The following PAM variants were observed in gnomAD, a reference collection of about 807,000 sequenced individuals.
The protein encoded by PAM is peptidyl-glycine alpha-amidating monooxygenase.
Under a neutral mutation model 122.1 loss-of-function variants are expected in PAM, and 72 were observed. The ratio of observed to expected loss-of-function variants is 0.59; its 90% CI spans 0.49 to 0.72. The LOEUF (loss-of-function observed/expected upper bound fraction) is 0.72. Among genes scored for constraint, PAM ranks in the 30% least tolerant of loss-of-function variants. The pLI, the probability that PAM is intolerant of heterozygous loss-of-function variation, is 0.00. For synonymous variants in PAM, 389 were observed against 404.4 expected, an observed-to-expected ratio of 0.96 and a Z score of 0.46; for missense variants, 1,106 against 1,183.7, an observed-to-expected ratio of 0.93 and a Z score of 0.96.
intron 3 of PAM, chr5:102,895,842 G>C (rs1796056579): frequency 6.6e-6 from 1 of 151,696 alleles, no homozygotes; most frequent in Admixed American, 6.6e-5. Flanking sequence ...CTAATCATTT[G>C]TATTAAAGGA....
At chr5:102,815,146 C>T (rs2150245379) in intron 1 of PAM, among the ~76,000 whole-genome samples, 1 of 152,200 alleles carries the variant, frequency 6.6e-6, no homozygotes, top group South Asian at 2.1e-4. Flanking sequence ...GTCATTTCCC[C>T]ACTGCAGATC....
chr5:102,832,372 A>G (rs1018216101), intron 1 of PAM, among the ~76,000 whole-genome samples: 1 of 151,988 alleles, frequency 6.6e-6, no homozygotes, highest in Admixed American at 6.6e-5. Context: ...TTTGATTCCT[A>G]TGTACAGCAG....
intron 1 of PAM, among the ~76,000 whole-genome samples, chr5:102,805,051 A>G (rs1765826432): frequency 6.8e-6 from 1 of 146,284 alleles, no homozygotes; most frequent in Admixed American, 7.2e-5. Context: ...GTTTCTTATG[A>G]AAGGGAATTT....
intron 4 of PAM, among the ~76,000 whole-genome samples, chr5:102,904,153 C>T (rs1290382141): frequency 6.6e-6 from 1 of 151,416 alleles, no homozygotes; most frequent in African/African-American, 2.4e-5. Context: ...GAAGCTATAG[C>T]CTTTTTGTGG....
intron 1 of PAM, among the ~76,000 whole-genome samples, chr5:102,842,735 C>T (rs750489973): frequency 6.6e-6 from 1 of 152,062 alleles, no homozygotes. Flanking sequence ...AAGCCTGAAA[C>T]AACAACAGTG....
intron 1 of PAM, among the ~76,000 whole-genome samples, chr5:102,860,786 A>G (rs143971373): frequency 2.4e-4 from 37 of 152,294 alleles, no homozygotes; most frequent in African/African-American, 8.7e-4. Flanking sequence ...GAAGACATCA[A>G]TTTAATCAAA....
At chr5:103,026,202 G>A (rs562187979) in intron 24 of PAM, among the ~76,000 whole-genome samples, 5 of 152,054 alleles carry the variant, frequency 3.3e-5, no homozygotes, top group Non-Finnish European at 2.9e-5. Flanking sequence ...GTTTCTTACC[G>A]CTCAGTAGCA....
rs752358113 is a variant in PAM at position 102,926,582 on chromosome 5, T to C, written c.443-3T>C. The C allele has an allele frequency of 1.1e-5, 17 of 1,547,870 alleles. No homozygotes were observed. The highest frequency in any genetic ancestry group is 1.3e-5 in the Non-Finnish European group (15 of 1,120,290). ...ATATATTAACTTTTTTGTAAATCTTTAGGTGTTGGATTCAGAGTTGGAGGA... is the reference window on the plus strand; with the variant it reads ...ATATATTAACTTTTTTGTAAATCTTCAGGTGTTGGATTCAGAGTTGGAGGA... On this transcript the variant is annotated splice_region_variant and splice_polypyrimidine_tract_variant and intron_variant, in intron 6 of 25. Coordinates refer to ENST00000438793, the MANE Select transcript of PAM (RefSeq NM_001177306.2).
intron 3 of PAM, among the ~76,000 whole-genome samples, chr5:102,882,935 T>G (rs1791766586): frequency 6.6e-6 from 1 of 152,098 alleles, no homozygotes; most frequent in South Asian, 2.1e-4. Flanking sequence ...ATCTTCTACA[T>G]GTAGCTTGCT....
chr5:102,899,076 A>G (rs1561810835), intron 3 of PAM, among the ~76,000 whole-genome samples: 1 of 146,108 alleles, frequency 6.8e-6, no homozygotes, highest in Admixed American at 7.0e-5. Flanking sequence ...TCCCTCCCCT[A>G]CCCTCCCTTT....
chr5:102,974,730 A>C (rs57590973), intron 15 of PAM: 9,733 of 245,626 alleles, frequency 0.04, 918 homozygotes, highest in African/African-American at 0.2. Context: ...GAAATTCAGG[A>C]TAAAAATTCT....
intron 16 of PAM, among the ~76,000 whole-genome samples, chr5:102,997,595 A>C (rs762089151): frequency 2.6e-5 from 4 of 151,886 alleles, no homozygotes; most frequent in Non-Finnish European, 4.4e-5. Context: ...TTCATTTGCT[A>C]TTTTTCTTCT....
chr5:103,001,416 T>C (rs1019789897), intron 16 of PAM, among the ~76,000 whole-genome samples: 5 of 152,196 alleles, frequency 3.3e-5, no homozygotes, highest in African/African-American at 1.2e-4. Context: ...CCCATAAATA[T>C]CTTATGAAAT....
In PAM at chr5:102,950,746, T is replaced by C. The variant is rs1429479672; in HGVS notation, c.831T>C (p.Asp277=). 1 of 1,611,228 alleles carries C rather than the reference T, an allele frequency of 6.2e-7. No individual in the cohort carries two copies. Among genetic ancestry groups the C allele is most frequent in the African/African-American group, 1.3e-5 (1 of 74,828 alleles). The change falls in exon 12 of 26, where the codon GAT becomes GAC. Residue 277 remains aspartate (D), a synonymous_variant. Coordinates refer to ENST00000438793, the MANE Select transcript of PAM (RefSeq NM_001177306.2). ...QAFYPVGHPV[D]VSFGDLLAAR... ...TCTACCCTGTGGGGCATCCAGTTGA[T>C]GTAAGTTTTGGTGACCTACTGGCTG... is the stretch of plus-strand genomic sequence containing the variant.
intron 1 of PAM, among the ~76,000 whole-genome samples, chr5:102,814,456 G>A (rs1191880203): frequency 6.6e-6 from 1 of 151,530 alleles, no homozygotes; most frequent in Non-Finnish European, 1.5e-5. Flanking sequence ...AATTAATCAA[G>A]GGACAGTGTG....
At chr5:102,945,480 G>A (rs1390952960) in intron 7 of PAM, among the ~76,000 whole-genome samples, 2 of 151,182 alleles carry the variant, frequency 1.3e-5, no homozygotes, top group Admixed American at 6.6e-5. Flanking sequence ...CTAAATATAT[G>A]TAAAATATAT....
At chr5:102,777,168 T>C (rs1757388706) in intron 1 of PAM, among the ~76,000 whole-genome samples, 1 of 152,088 alleles carries the variant, frequency 6.6e-6, no homozygotes, top group African/African-American at 2.4e-5. Context: ...AATATAAATA[T>C]GGAAAAAGTG....
At chr5:102,794,619 A>G (rs1220322591) in intron 1 of PAM, among the ~76,000 whole-genome samples, 1 of 152,184 alleles carries the variant, frequency 6.6e-6, no homozygotes, top group Non-Finnish European at 1.5e-5. Context: ...AAACAGTGAT[A>G]TTTATATTTA....
chr5:102,841,549 A>G (rs899409701), intron 1 of PAM, among the ~76,000 whole-genome samples: 1 of 152,156 alleles, frequency 6.6e-6, no homozygotes, highest in Admixed American at 6.6e-5. Context: ...TAAAGGTTTG[A>G]AAGAGAGGCA....
Sources: gnomAD v4.1 joint callset for allele counts (sites outside exome capture counted in the v4.1 genomes callset) on GRCh38, gnomAD v4.1.1 for gene constraint, MANE v1.5 for transcripts, NCBI Gene and HGNC (gene_info 2026-07-23, HGNC 2026-07-21) for gene names.